AP3D1: variants seen among roughly 807,000 people sequenced by gnomAD.
The protein encoded by AP3D1 is AP-3 complex subunit delta-1.
Under a neutral mutation model 147.6 loss-of-function variants are expected in AP3D1, and 51 were observed. The observed-to-expected ratio is 0.35, with a 90% CI of 0.28 to 0.44. The LOEUF is 0.44. Among genes scored for constraint, AP3D1 ranks in the 20% least tolerant of loss-of-function variants. The pLI is 1.00. For synonymous variants in AP3D1, 760 were observed against 663.0 expected (o/e 1.15, Z -2.25); for missense variants, 1,421 against 1,624.2 (o/e 0.87, Z 2.15).
chr19:2,140,782 C>T (rs1268522513), intron 1 of AP3D1, among the ~76,000 whole-genome samples: 10 of 114,610 alleles, frequency 8.7e-5, no homozygotes, highest in African/African-American at 3.2e-4. Context: ...TTTTTTGAGA[C>T]GGAGTCTCGC....
At chr19:2,147,599 AG>A (rs1169102491) in intron 1 of AP3D1, among the ~76,000 whole-genome samples, 1 of 151,158 alleles carries the variant, frequency 6.6e-6, no homozygotes, top group Non-Finnish European at 1.5e-5. Context: ...AAAAGAAAAA[AG>A]AAAAAGAATA....
At chr19:2,141,996 A>G (rs761291019) in intron 1 of AP3D1, among the ~76,000 whole-genome samples, 2 of 149,046 alleles carry the variant, frequency 1.3e-5, no homozygotes, top group Middle Eastern at 3.5e-3. Context: ...ATATACATTT[A>G]TTTACATATA....
intron 3 of AP3D1, 94 bp downstream of exon 3, chr19:2,137,633 C>T: frequency 9.1e-7 from 1 of 1,098,890 alleles, no homozygotes. Flanking sequence ...TAGACTCTGT[C>T]TCAAGAATAA....
chr19:2,151,406 C>A lies in AP3D1; in HGVS notation c.-72G>T. 9.7e-7 allele frequency: 1 copy of A among 1,030,746 alleles called. No individual in the cohort carries two copies. The highest frequency in any genetic ancestry group is 4.6e-5 in the East Asian group (1 of 21,962). The allele number at this position is 1,030,746 out of a possible 1,614,324, so 63.9% of individuals were successfully genotyped here. A position where few individuals can be genotyped will look rare whatever the true frequency, so the allele number is the denominator to read the frequency against. ...CCGTGAGGGGGCCCGGGGCCCGTGC[C>A]TGCCGCCCGCGGAGCGCCGCGCTGC... On this transcript the variant is annotated 5_prime_UTR_variant, in exon 1 of 32. The change creates a new upstream start codon in the 5' untranslated region. Transcript: ENST00000643116.
intron 1 of AP3D1, among the ~76,000 whole-genome samples, chr19:2,139,840 C>A (rs2019173000): frequency 6.6e-6 from 1 of 152,210 alleles, no homozygotes; most frequent in Non-Finnish European, 1.5e-5. Context: ...CTGTCCTCAG[C>A]CCCACTGTAG....
intron 14 of AP3D1, among the ~76,000 whole-genome samples, chr19:2,119,944 C>CT (rs1340193259): frequency 6.6e-6 from 1 of 152,088 alleles, no homozygotes; most frequent in Non-Finnish European, 1.5e-5. Flanking sequence ...TAGCCAGACT[C>CT]TGTCTCGGGG....
chr19:2,161,541 GGTCAAAATAA>G (rs1351661931), intron 1 of AP3D1, among the ~76,000 whole-genome samples: 1 of 152,022 alleles, frequency 6.6e-6, no homozygotes, highest in Non-Finnish European at 1.5e-5. Context: ...ATAATGTCAA[GGTCAAAATAA>G]GTATGTAGAG....
At chr19:2,159,518 A>G (rs1173875448) in intron 1 of AP3D1, among the ~76,000 whole-genome samples, 2 of 150,862 alleles carry the variant, frequency 1.3e-5, no homozygotes, top group African/African-American at 2.4e-5. Context: ...CCTCCCGAGT[A>G]GCTGGGACTA....
chr19:2,150,630 G>A (rs2019481026), intron 1 of AP3D1, among the ~76,000 whole-genome samples: 1 of 152,110 alleles, frequency 6.6e-6, no homozygotes, highest in Non-Finnish European at 1.5e-5. Flanking sequence ...TGGAGGCAAC[G>A]CCCCAAGACC....
At position 2,110,788 on chromosome 19, in the gene AP3D1, C is replaced by A. The variant is rs758594290; in HGVS notation, c.3094G>T (p.Asp1032Tyr). The A allele has an allele frequency of 2.5e-6, 4 of 1,613,338 alleles. No individual in the cohort carries two copies. The highest frequency in any genetic ancestry group is 1.7e-5 in the Admixed American group (1 of 60,012). ...ILKGMELSVL[D>Y]SLNARMARPQ... ...CGGGCCATCCTGGCATTGAGTGAGTCCAGCACGCTGAGCTCCATGCCCTTG... is the reference window on the plus strand; with the variant it reads ...CGGGCCATCCTGGCATTGAGTGAGTACAGCACGCTGAGCTCCATGCCCTTG... The change falls in exon 27 of 32, where the codon GAC (aspartate) becomes TAC (tyrosine). Residue 1032 changes from aspartate to tyrosine, a missense_variant. This residue lies in a region of AP3D1 where 791 missense variants were observed against 761.4 expected (regional missense o/e 1.04). Transcript: ENST00000643116.
chr19:2,111,198 G>T, intron 26 of AP3D1, 87 bp downstream of exon 26: 1 of 1,512,604 alleles, frequency 6.6e-7, no homozygotes, highest in Non-Finnish European at 9.1e-7. Flanking sequence ...ACATCCGGGA[G>T]CTGTGGGGGC....
At chr19:2,153,743 G>A (rs2019622984), upstream of AP3D1, among the ~76,000 whole-genome samples, 1 of 152,052 alleles carries the variant, frequency 6.6e-6, no homozygotes, top group South Asian at 2.1e-4. Flanking sequence ...ATGTATTCAT[G>A]CATTTCTATC....
rs1384236992 is a variant in AP3D1 at position 2,101,887 on chromosome 19, C to T, written c.*286G>A. The T allele has an allele frequency of 2.2e-5, 9 of 408,942 alleles. No homozygotes were observed. The highest frequency in any genetic ancestry group is 6.6e-4 in the Middle Eastern group (1 of 1,526). 25.3% of individuals were successfully genotyped at this position (408,942 alleles called of 1,614,324 possible). A position where few individuals can be genotyped will look rare whatever the true frequency, so the allele number is the denominator to read the frequency against. On this transcript the variant is annotated 3_prime_UTR_variant, in exon 32 of 32. Coordinates refer to ENST00000643116, the MANE Select transcript of AP3D1 (RefSeq NM_001261826.3). ...TGAAGCCACATTCAAGGACTCGGCC[C>T]CCAGCGCGGGGCAGGGCACAGACCC...
At chr19:2,125,854 G>A (rs1599467528) in intron 9 of AP3D1, among the ~76,000 whole-genome samples, 1 of 150,876 alleles carries the variant, frequency 6.6e-6, no homozygotes, top group South Asian at 2.1e-4. Flanking sequence ...AAACAAAAGA[G>A]ATGGGGTGCT....
chr19:2,111,090 C>T, intron 26 of AP3D1, 194 bp from the exon 27 acceptor site: 4 of 917,044 alleles, frequency 4.4e-6, no homozygotes, highest in South Asian at 3.4e-5. Flanking sequence ...GACCCTCCTG[C>T]CAGTCCAAGT....
intron 14 of AP3D1, among the ~76,000 whole-genome samples, chr19:2,120,108 C>T (rs1019774307): frequency 1.3e-5 from 2 of 152,154 alleles, no homozygotes; most frequent in Non-Finnish European, 2.9e-5. Flanking sequence ...CAGCAGGTAG[C>T]GGCCAGTGGT....
At chr19:2,128,619 C>T (rs1403289008) in intron 8 of AP3D1, among the ~76,000 whole-genome samples, 7 of 25,368 alleles carry the variant, frequency 2.8e-4, no homozygotes, top group East Asian at 2.2e-3. Flanking sequence ...CCCGTGGAGC[C>T]GGCCCGCCCC....
Position 2,137,015 on chromosome 19 carries a change from C to T in AP3D1, c.350G>A (p.Arg117His). 1 of 1,588,938 alleles carries T rather than the reference C, an allele frequency of 6.3e-7. No individual in the cohort carries two copies. The highest frequency in any genetic ancestry group is 8.6e-7 in the Non-Finnish European group (1 of 1,167,938). Residue 117 changes from arginine (R) to histidine (H), a missense_variant, in exon 4 of 32, where the codon CGT becomes CAT. Physicochemically the swap from Arg to His is conservative, Grantham distance 29. Transcript: ENST00000643116. ...CCCCGGCCCGGGAACACCCACCTTA[C>T]GGATCTGATTGGTGGTCAGCATGAT... ...DVIMLTTNQI[R>H]KDLSSPSQYD... is the part of the protein sequence containing the mutation.
chr19:2,120,813 C>T, intron 14 of AP3D1, 49 bp downstream of exon 14: 1 of 1,567,524 alleles, frequency 6.4e-7, no homozygotes, highest in Non-Finnish European at 8.7e-7. Flanking sequence ...GTCCCTACCC[C>T]TCAGAAGCTT....
Sources: allele counts gnomAD v4.1 joint callset (sites outside exome capture counted in the v4.1 genomes callset), GRCh38; gene constraint gnomAD v4.1.1; regional missense constraint gnomAD v4.1.1; transcripts MANE v1.5; gene names NCBI Gene and HGNC (gene_info 2026-07-23, HGNC 2026-07-21).